Variants in NMNAT1 observed in about 807,000 individuals in gnomAD.
The protein encoded by NMNAT1 is nicotinamide nucleotide adenylyltransferase 1.
A neutral mutation model predicts 16.7 loss-of-function variants in NMNAT1; 11 were observed. The ratio of observed to expected loss-of-function variants is 0.66; its 90% CI spans 0.41 to 1.09. The LOEUF is 1.09. NMNAT1 is among the 50% of genes least tolerant of loss of function. The probability of loss-of-function intolerance (pLI) is 0.00; values close to 1 mark genes in which losing one functional copy is unlikely to be tolerated. For missense variants in NMNAT1, 280 were observed against 332.3 expected, an observed-to-expected ratio of 0.84 and a Z score of 1.22; for synonymous variants, 110 against 119.8, an observed-to-expected ratio of 0.92 and a Z score of 0.53.
chr1:9,969,093 G>A lies in NMNAT1; in HGVS notation c.-56-2925G>A, dbSNP rs542255567. ...CTCTTAACTCTTCTGTTATATAGGCGGGAAATTGTAGGATACTTTCTTGTA... is the reference window on the plus strand; with the variant it reads ...CTCTTAACTCTTCTGTTATATAGGCAGGAAATTGTAGGATACTTTCTTGTA... On this transcript the variant is annotated intron_variant, in intron 1 of 4. Transcript: ENST00000377205. Among the ~76,000 whole-genome samples, 425 of 152,128 alleles carry A rather than the reference G, an allele frequency of 2.8e-3. 2 individuals carry two copies. The highest frequency in any genetic ancestry group is 5.0e-3 in the Admixed American group (76 of 15,218).
chr1:9,951,004 G>A (rs993095523), intron 1 of NMNAT1, among the ~76,000 whole-genome samples: 4 of 151,570 alleles, frequency 2.6e-5, no homozygotes, highest in East Asian at 1.9e-4. Flanking sequence ...CAGAAGAATT[G>A]CTTTAATCCA....
intron 3 of NMNAT1, among the ~76,000 whole-genome samples, chr1:9,980,673 T>C (rs901080982): frequency 2.6e-5 from 4 of 151,908 alleles, no homozygotes; most frequent in Non-Finnish European, 4.4e-5. Flanking sequence ...TTTTCTTTTT[T>C]TGAGATGGAG....
intron 1 of NMNAT1, among the ~76,000 whole-genome samples, chr1:9,959,142 C>T (rs985783590): frequency 1.3e-5 from 2 of 152,220 alleles, no homozygotes; most frequent in East Asian, 3.9e-4. Context: ...GAAGCCGAGG[C>T]AGGTGGATCA....
intron 1 of NMNAT1, among the ~76,000 whole-genome samples, chr1:9,968,766 GT>G (rs1641620690): frequency 1.1e-5 from 1 of 87,708 alleles, no homozygotes; most frequent in Non-Finnish European, 2.6e-5. Flanking sequence ...GCGAGACTCT[GT>G]CTCAAAAAAA....
downstream of NMNAT1, chr1:9,985,621 A>T (rs1642035157): frequency 6.6e-6 from 1 of 152,156 alleles, no homozygotes; most frequent in African/African-American, 2.4e-5. Flanking sequence ...GGAGAAGGTG[A>T]TATGGGCCAT....
intron 1 of NMNAT1, among the ~76,000 whole-genome samples, chr1:9,963,721 T>G (rs1641479012): frequency 6.6e-6 from 1 of 151,884 alleles, no homozygotes; most frequent in Non-Finnish European, 1.5e-5. Context: ...TTATTTCTTT[T>G]TTGAGATGTT....
chr1:9,944,265 TAAAA>T (rs1329609038), intron 1 of NMNAT1, among the ~76,000 whole-genome samples: 3 of 151,086 alleles, frequency 2.0e-5, no homozygotes, highest in African/African-American at 7.3e-5. Flanking sequence ...AAAATAAAAA[TAAAA>T]AAAAGTTACC....
intron 1 of NMNAT1, chr1:9,960,870 A>G (rs1641386411): frequency 6.6e-6 from 1 of 152,260 alleles, no homozygotes; most frequent in Non-Finnish European, 1.5e-5. Flanking sequence ...TGCTGCACCC[A>G]TTCATCAATC....
At position 9,982,495 on chromosome 1, in the gene NMNAT1, G is replaced by A. The variant is rs201994921; in HGVS notation, c.634G>A (p.Val212Met). 6.6e-5 allele frequency: 106 copies of A among 1,613,782 alleles called. No homozygotes were observed. The highest frequency in any genetic ancestry group is 1.6e-4 in the Middle Eastern group (1 of 6,084). The stretch of plus-strand genomic sequence containing the variant: ...GTGGAAACACCGGAGCAACATTCAC[G>A]TGGTGAATGAATGGATCGCTAATGA... ...VLWKHRSNIH[V>M]VNEWIANDIS... Residue 212 changes from valine to methionine, a missense_variant, in exon 5 of 5, where the codon GTG (valine) becomes ATG (methionine). Transcript: ENST00000377205.
At chr1:9,952,768 A>G (rs1641147093) in intron 1 of NMNAT1, among the ~76,000 whole-genome samples, 1 of 151,850 alleles carries the variant, frequency 6.6e-6, no homozygotes, top group Non-Finnish European at 1.5e-5. Context: ...CGAACTCCTG[A>G]CCTCAGGTGA....
At chr1:9,944,332 TG>T (rs1338822571) in intron 1 of NMNAT1, among the ~76,000 whole-genome samples, 8 of 152,190 alleles carry the variant, frequency 5.3e-5, no homozygotes, top group Admixed American at 5.2e-4. Context: ...GAGCCCGCGG[TG>T]GGAGGATCAT....
intron 2 of NMNAT1, 70 bp from the exon 3 acceptor site, chr1:9,975,522 T>A: frequency 8.2e-7 from 1 of 1,225,218 alleles, no homozygotes; most frequent in Non-Finnish European, 1.2e-6. Flanking sequence ...CAAATAATAT[T>A]GATCGTAATA....
At chr1:9,948,062 C>G (rs968313803) in intron 1 of NMNAT1, among the ~76,000 whole-genome samples, 1 of 152,138 alleles carries the variant, frequency 6.6e-6, no homozygotes, top group African/African-American at 2.4e-5. Flanking sequence ...GCTCGCATTT[C>G]TAATTCCTAA....
At chr1:9,954,686 A>C (rs1001752325) in intron 1 of NMNAT1, among the ~76,000 whole-genome samples, 2 of 152,120 alleles carry the variant, frequency 1.3e-5, no homozygotes, top group Non-Finnish European at 2.9e-5. Context: ...TAATTCCAGC[A>C]CTTTGGGAGT....
chr1:9,949,198 C>T (rs370835809), intron 1 of NMNAT1, among the ~76,000 whole-genome samples: 125 of 149,466 alleles, frequency 8.4e-4, no homozygotes, highest in African/African-American at 2.6e-3. Context: ...ACCCTGGAGG[C>T]GGAGATTTCA....
chr1:9,944,543 A>G (rs1418998561), intron 1 of NMNAT1, among the ~76,000 whole-genome samples: 1 of 152,182 alleles, frequency 6.6e-6, no homozygotes, highest in East Asian at 1.9e-4. Flanking sequence ...GTTAAAAAAC[A>G]AGAGCTGTGT....
chr1:9,960,729 G>A (rs1641382758), intron 1 of NMNAT1: 1 of 152,162 alleles, frequency 6.6e-6, no homozygotes, highest in Non-Finnish European at 1.5e-5. Context: ...GAGCTGGTGA[G>A]TTCTCAGCAG....
intron 1 of NMNAT1, among the ~76,000 whole-genome samples, chr1:9,970,924 A>C (rs958353607): frequency 6.6e-6 from 1 of 152,192 alleles, no homozygotes; most frequent in African/African-American, 2.4e-5. Context: ...CAATAGTGCA[A>C]TCACAAAACT....
In NMNAT1 at chr1:9,969,098, A is replaced by G. The variant is rs1485702413; in HGVS notation, c.-56-2920A>G. On this transcript the variant is annotated intron_variant, in intron 1 of 4. Transcript: ENST00000377205. The stretch of plus-strand genomic sequence containing the variant: ...AACTCTTCTGTTATATAGGCGGGAA[A>G]TTGTAGGATACTTTCTTGTAGAGTC... 2.0e-5 allele frequency among the ~76,000 whole-genome samples: 3 copies of G among 152,174 alleles called. No homozygotes were observed. The East Asian group carries it at 5.8e-4, about 29-fold the overall frequency.
Sources: allele counts gnomAD v4.1 joint callset (sites outside exome capture counted in the v4.1 genomes callset), GRCh38; gene constraint gnomAD v4.1.1; transcripts MANE v1.5; gene names NCBI Gene and HGNC (gene_info 2026-07-23, HGNC 2026-07-21).